The following WSCD2 variants were observed in gnomAD, a reference collection of about 807,000 sequenced individuals.
WSCD2 encodes sialate:O-sulfotransferase 2.
A neutral mutation model predicts 55.7 loss-of-function variants in WSCD2; 28 were observed. The observed-to-expected ratio is 0.50, with a 90% CI of 0.37 to 0.69. The LOEUF (loss-of-function observed/expected upper bound fraction) is 0.69, where lower values mean the gene tolerates loss of function less well. Among genes scored for constraint, WSCD2 ranks in the 30% least tolerant of loss-of-function variants. The pLI is 0.00. For missense variants in WSCD2, 616 were observed against 762.1 expected (o/e 0.81, Z 2.26); for synonymous variants, 301 against 301.9 (o/e 1.00, Z 0.03).
chr12:108,131,796 C>T (rs1428502811), intron 1 of WSCD2: 1 of 152,250 alleles, frequency 6.6e-6, no homozygotes, highest in Non-Finnish European at 1.5e-5. Flanking sequence ...AGTGGGGAGC[C>T]CAGGGTGGTC....
chr12:108,196,202 G>A lies in WSCD2; in HGVS notation c.370G>A (p.Glu124Lys), dbSNP rs891154003. The change falls in exon 2 of 9, where the codon GAG becomes AAG. Residue 124 changes from glutamate (E) to lysine (K), a missense_variant. Glu to Lys is a moderately conservative substitution (Grantham distance 56). Around this residue, in one of 3 missense-constraint regions of WSCD2, gnomAD observed 374 missense variants for 467.4 expected, o/e 0.80. Transcript: ENST00000547525. The stretch of plus-strand genomic sequence containing the variant: ...CAAGGGGAGGGTTGTCCGGGAGAAG[G>A]AGGAAGAGCGAGGTAAGAGCGAGGA... Reference protein sequence around the residue: ...ALKGRVVREKEEERAKYIGCY... With the variant: ...ALKGRVVREKKEERAKYIGCY... The A allele has an allele frequency of 6.2e-7, 1 of 1,613,258 alleles. No homozygotes were observed. Among genetic ancestry groups the A allele is most frequent in the Non-Finnish European group, 8.5e-7 (1 of 1,179,544 alleles).
rs1161303915 is a variant in WSCD2, at chr12:108,129,446, G to C, written c.-1032G>C. 5 of 151,458 alleles carry C rather than the reference G, an allele frequency of 3.3e-5. No homozygotes were observed. The highest frequency in any genetic ancestry group is 4.8e-5 in the African/African-American group (2 of 41,332). The allele number at this position is 151,458 out of a possible 1,614,324, so 9.4% of individuals were successfully genotyped here. A position where few individuals can be genotyped will look rare whatever the true frequency, so the allele number is the denominator to read the frequency against. ...CGCGCCGAGCCGCAGCCGGTGCCCT[G>C]CGCGCACCGGGCCCGGGCATCTCCA... is the stretch of plus-strand genomic sequence containing the variant. On this transcript the variant is annotated 5_prime_UTR_variant, in exon 1 of 9. Transcript: ENST00000547525.
intron 1 of WSCD2, among the ~76,000 whole-genome samples, chr12:108,148,606 G>A (rs1877648023): frequency 6.6e-6 from 1 of 152,148 alleles, no homozygotes; most frequent in African/African-American, 2.4e-5. Context: ...ATCATATGAT[G>A]GAGGAAGATC....
At chr12:108,179,238 C>A (rs1295181856) in intron 1 of WSCD2, among the ~76,000 whole-genome samples, 1 of 145,910 alleles carries the variant, frequency 6.9e-6, no homozygotes, top group Non-Finnish European at 1.5e-5. Flanking sequence ...GGGAGTCCTG[C>A]TGTGTCAGGA....
At chr12:108,130,790 C>G (rs555543989) in intron 1 of WSCD2, among the ~76,000 whole-genome samples, 2 of 152,200 alleles carry the variant, frequency 1.3e-5, no homozygotes, top group East Asian at 1.9e-4. Context: ...AGAAAAGGGG[C>G]TGGAAGGGCC....
At chr12:108,178,168 G>A (rs1431224768) in intron 1 of WSCD2, among the ~76,000 whole-genome samples, 1 of 152,098 alleles carries the variant, frequency 6.6e-6, no homozygotes. Context: ...TCCGAGGTGT[G>A]TGTGGGAAGA....
At chr12:108,170,037 G>A (rs1880070725) in intron 1 of WSCD2, among the ~76,000 whole-genome samples, 3 of 152,174 alleles carry the variant, frequency 2.0e-5, no homozygotes, top group East Asian at 1.9e-4. Context: ...AATAAGCCCC[G>A]CAGAACCTGT....
intron 1 of WSCD2, among the ~76,000 whole-genome samples, chr12:108,137,879 T>C (rs1359392677): frequency 6.6e-6 from 1 of 152,242 alleles, no homozygotes; most frequent in Non-Finnish European, 1.5e-5. Flanking sequence ...TAACTGTACC[T>C]AGACAGTGTC....
At chr12:108,161,757 A>G (rs1482275962) in intron 1 of WSCD2, among the ~76,000 whole-genome samples, 2 of 152,182 alleles carry the variant, frequency 1.3e-5, no homozygotes, top group Non-Finnish European at 2.9e-5. Flanking sequence ...TATGACCAGC[A>G]TGTTCAGTCC....
rs894113872 is a variant in WSCD2 at position 108,145,775 on chromosome 12, A to G, written c.-552+15849A>G. ...AAATAAGGTTTAGACATACCAAGGA[A>G]TAGTACACAGCAGTGACAATGAACA... On this transcript the variant is annotated intron_variant, in intron 1 of 8. Coordinates refer to ENST00000547525, the MANE Select transcript of WSCD2 (RefSeq NM_014653.4). 1.6e-4 allele frequency among the ~76,000 whole-genome samples: 24 copies of G among 152,232 alleles called. 1 individual carries two copies. Among genetic ancestry groups the G allele is most frequent in the South Asian group, 4.1e-4 (2 of 4,834 alleles).
chr12:108,181,970 C>T (rs1208524876), intron 1 of WSCD2, among the ~76,000 whole-genome samples: 1 of 152,176 alleles, frequency 6.6e-6, no homozygotes, highest in Non-Finnish European at 1.5e-5. Flanking sequence ...GGAACTAAGG[C>T]TTAGAGAGAT....
At chr12:108,229,757 G>T (rs771809095) in intron 6 of WSCD2, among the ~76,000 whole-genome samples, 5 of 151,852 alleles carry the variant, frequency 3.3e-5, no homozygotes, top group African/African-American at 4.8e-5. Context: ...TTACCTTCGG[G>T]TTGGCCTTGG....
chr12:108,180,306 G>GC (rs1489935384), intron 1 of WSCD2, among the ~76,000 whole-genome samples: 3 of 152,116 alleles, frequency 2.0e-5, no homozygotes, highest in Admixed American at 6.6e-5. Context: ...AAAACATGCC[G>GC]CCCCCCGCAG....
At chr12:108,145,281 T>A (rs1010187022) in intron 1 of WSCD2, among the ~76,000 whole-genome samples, 1 of 152,166 alleles carries the variant, frequency 6.6e-6, no homozygotes, top group Non-Finnish European at 1.5e-5. Flanking sequence ...TTCTGGAAAT[T>A]CCTCTGGGGC....
intron 1 of WSCD2, among the ~76,000 whole-genome samples, chr12:108,180,050 C>CAAAAAAAAAAAAAAAA (rs59925486): frequency 2.9e-4 from 34 of 116,650 alleles, no homozygotes; most frequent in South Asian, 5.3e-4. Context: ...CTCAAAAAAA[C>CAAAAAAAAAAAAAAAA]AAAAAAAAAA....
chr12:108,227,311 T>C (rs1888214434), intron 6 of WSCD2, 147 bp downstream of exon 6: 1 of 968,728 alleles, frequency 1.0e-6, no homozygotes, highest in East Asian at 2.7e-5. Context: ...TCCACCAGGC[T>C]TAGAGTTCCT....
At position 108,227,063 on chromosome 12, in the gene WSCD2, A is replaced by T; in HGVS notation, c.878A>T (p.Asp293Val). 1 of 1,614,190 alleles carries T rather than the reference A, an allele frequency of 6.2e-7. No individual in the cohort carries two copies. The highest frequency in any genetic ancestry group is 8.5e-7 in the Non-Finnish European group (1 of 1,180,028). Residue 293 changes from aspartate (D) to valine (V), a missense_variant, in exon 6 of 9, where the codon GAC (aspartate) becomes GTC (valine). Asp to Val is a radical substitution (Grantham distance 152). Around this residue, in one of 3 missense-constraint regions of WSCD2, gnomAD observed 374 missense variants for 467.4 expected, o/e 0.80. Transcript: ENST00000547525. Reference protein sequence around the residue: ...GFPTTRFPLHDREDEQLCAQK... With the variant: ...GFPTTRFPLHVREDEQLCAQK... Reference sequence around the variant, plus strand: ...CCCACCACCCGATTCCCGCTCCATGACAGAGAGGATGAGCAGCTCTGTGCC... The same window carrying T: ...CCCACCACCCGATTCCCGCTCCATGTCAGAGAGGATGAGCAGCTCTGTGCC...
At chr12:108,204,692 T>C (rs1483631223) in intron 2 of WSCD2, among the ~76,000 whole-genome samples, 1 of 152,214 alleles carries the variant, frequency 6.6e-6, no homozygotes, top group Non-Finnish European at 1.5e-5. Flanking sequence ...AGATGGACTG[T>C]TCTTAGTCCA....
chr12:108,211,673 A>G (rs1886199531), intron 4 of WSCD2, among the ~76,000 whole-genome samples: 1 of 148,938 alleles, frequency 6.7e-6, no homozygotes, highest in Admixed American at 6.7e-5. Flanking sequence ...ATATTTTTTG[A>G]GACAGAGCCT....
Sources: allele counts gnomAD v4.1 joint callset (sites outside exome capture counted in the v4.1 genomes callset), GRCh38; gene constraint gnomAD v4.1.1; regional missense constraint gnomAD v4.1.1; transcripts MANE v1.5; gene names NCBI Gene and HGNC (gene_info 2026-07-23, HGNC 2026-07-21).